ATP1B1: variants seen among roughly 807,000 people sequenced by gnomAD.
ATP1B1 encodes the protein ATPase Na+/K+ transporting subunit beta 1.
In ATP1B1, 3 loss-of-function variants were observed where a neutral mutation model predicts 39.6. The observed-to-expected ratio is 0.08, with a 90% confidence interval of 0.03 to 0.20. The LOEUF is 0.20. ATP1B1 is among the 10% of genes least tolerant of loss of function. The pLI, the probability that ATP1B1 is intolerant of heterozygous loss-of-function variation, is 1.00. For missense variants in ATP1B1, 216 were observed against 371.1 expected, an observed-to-expected ratio of 0.58 and a Z score of 3.43; for synonymous variants, 139 against 135.0, an observed-to-expected ratio of 1.03 and a Z score of -0.20.
At chr1:169,121,093 A>T (rs1007177664) in intron 2 of ATP1B1, among the ~76,000 whole-genome samples, 1 of 151,924 alleles carries the variant, frequency 6.6e-6, no homozygotes, top group African/African-American at 2.4e-5. Context: ...GATTACAGGC[A>T]TGTGCTACTA....
chr1:169,132,519 A>G lies in ATP1B1; in HGVS notation c.*964A>G. On this transcript the variant is annotated 3_prime_UTR_variant, in exon 6 of 6. Transcript: ENST00000367815. Reference sequence around the variant, plus strand: ...AAGAAAAAGTGTAATGTATGAAATAAACCAAAGTCACTTGTTTGAAAATAA... The same window carrying G: ...AAGAAAAAGTGTAATGTATGAAATAGACCAAAGTCACTTGTTTGAAAATAA... The G allele has an allele frequency of 4.6e-6, 2 of 436,060 alleles. No individual in the cohort carries two copies. Among genetic ancestry groups the G allele is most frequent in the Non-Finnish European group, 8.0e-6 (2 of 248,636 alleles). 27.0% of individuals were successfully genotyped at this position (436,060 alleles called of 1,614,324 possible).
chr1:169,123,522 T>A (rs1658026032), intron 2 of ATP1B1, among the ~76,000 whole-genome samples: 1 of 151,880 alleles, frequency 6.6e-6, no homozygotes, highest in African/African-American at 2.4e-5. Flanking sequence ...TTGCCAGATT[T>A]AATAAATAAA....
At chr1:169,110,605 GC>G in intron 1 of ATP1B1, 1 of 835,258 alleles carries the variant, frequency 1.2e-6, no homozygotes, top group South Asian at 2.1e-5. Context: ...AGCTATTTCA[GC>G]CTCCATCCTG....
intron 2 of ATP1B1, among the ~76,000 whole-genome samples, chr1:169,118,448 G>A (rs1657902404): frequency 6.6e-6 from 1 of 152,202 alleles, no homozygotes. Context: ...TCTGGGAGCT[G>A]GAGGCAGAAG....
At chr1:169,109,079 G>A (rs1233828902) in intron 1 of ATP1B1, among the ~76,000 whole-genome samples, 1 of 152,210 alleles carries the variant, frequency 6.6e-6, no homozygotes, top group African/African-American at 2.4e-5. Context: ...CAGGAGACTC[G>A]CCTGTCACCT....
chr1:169,110,597 C>A, intron 1 of ATP1B1: 2 of 766,410 alleles, frequency 2.6e-6, no homozygotes, highest in Non-Finnish European at 3.3e-6. Context: ...GCTTTTGCAG[C>A]TATTTCAGCC....
chr1:169,129,618 C>T (rs1051591356), intron 4 of ATP1B1, among the ~76,000 whole-genome samples: 3 of 152,182 alleles, frequency 2.0e-5, no homozygotes, highest in African/African-American at 4.8e-5. Flanking sequence ...GGAAAGCCCA[C>T]GCTTTATAAA....
chr1:169,110,216 C>T (rs773514896), intron 1 of ATP1B1, among the ~76,000 whole-genome samples: 23 of 152,108 alleles, frequency 1.5e-4, no homozygotes, highest in Middle Eastern at 3.2e-3. Flanking sequence ...GGCAACAAGG[C>T]TAATTCCTGC....
At position 169,124,978 on chromosome 1, in the gene ATP1B1, G is replaced by A. The variant is rs61742560; in HGVS notation, c.321G>A (p.Arg107=). The change falls in exon 3 of 6, where the codon AGG becomes AGA. Residue 107 remains arginine, a synonymous_variant. Transcript: ENST00000367815. ...AGGCATATGTACTGAACATAGTTAG[G>A]TTCCTGGAAAAGTACAAAGATTCAG... ...SYEAYVLNIV[R]FLEKYKDSAQ... is the part of the protein sequence containing the mutation. The A allele has an allele frequency of 9.2e-3, 14,789 of 1,613,900 alleles. 81 individuals carry two copies. Among genetic ancestry groups the A allele is most frequent in the Non-Finnish European group, 0.011 (12,574 of 1,179,944 alleles).
At chr1:169,116,982 C>CG (rs1657861247) in intron 2 of ATP1B1, among the ~76,000 whole-genome samples, 2 of 152,010 alleles carry the variant, frequency 1.3e-5, no homozygotes, top group East Asian at 1.9e-4. Context: ...CTAATTTTTC[C>CG]ACCCCCCGCA....
intron 2 of ATP1B1, among the ~76,000 whole-genome samples, chr1:169,122,745 GATT>G (rs1358523782): frequency 1.4e-5 from 1 of 70,690 alleles, no homozygotes; most frequent in East Asian, 3.2e-4. Flanking sequence ...TTTTCAGGAT[GATT>G]TTTTTTTTTT....
chr1:169,113,873 T>A (rs1468818148), intron 2 of ATP1B1, among the ~76,000 whole-genome samples: 2 of 152,204 alleles, frequency 1.3e-5, no homozygotes, highest in East Asian at 1.9e-4. Context: ...GCCTGGTAAT[T>A]TCTGTCTCTT....
At chr1:169,116,124 C>A (rs1427180752) in intron 2 of ATP1B1, among the ~76,000 whole-genome samples, 1 of 152,288 alleles carries the variant, frequency 6.6e-6, no homozygotes, top group African/African-American at 2.4e-5. Flanking sequence ...CACACTCAGG[C>A]TACCAAGCCC....
chr1:169,111,641 C>A, intron 2 of ATP1B1, 143 bp downstream of exon 2: 1 of 1,226,568 alleles, frequency 8.2e-7, no homozygotes, highest in South Asian at 1.6e-5. Context: ...CTTCTCTCGG[C>A]TGCAGCCAGA....
At chr1:169,108,894 G>T (rs949204214) in intron 1 of ATP1B1, among the ~76,000 whole-genome samples, 2 of 152,142 alleles carry the variant, frequency 1.3e-5, no homozygotes, top group Non-Finnish European at 2.9e-5. Flanking sequence ...CCCCTTTCTG[G>T]CAGTGTAAAA....
At chr1:169,120,970 CAG>C (rs1414133239) in intron 2 of ATP1B1, among the ~76,000 whole-genome samples, 1 of 129,466 alleles carries the variant, frequency 7.7e-6, no homozygotes, top group Non-Finnish European at 1.6e-5. Flanking sequence ...TTTTTTGAGA[CAG>C]AGTCTCGCTC....
intron 2 of ATP1B1, among the ~76,000 whole-genome samples, chr1:169,120,596 T>C (rs144813540): frequency 1.3e-5 from 2 of 152,354 alleles, no homozygotes; most frequent in African/African-American, 2.4e-5. Context: ...AGCTGTCTTA[T>C]GTTTCACCCC....
At chr1:169,109,569 GCTGT>G (rs953259403) in intron 1 of ATP1B1, among the ~76,000 whole-genome samples, 15 of 152,294 alleles carry the variant, frequency 9.8e-5, no homozygotes, top group East Asian at 1.9e-4. Flanking sequence ...GAATAGAAAG[GCTGT>G]CTGTTTCTGA....
At chr1:169,109,222 G>A (rs888536137) in intron 1 of ATP1B1, among the ~76,000 whole-genome samples, 4 of 152,054 alleles carry the variant, frequency 2.6e-5, no homozygotes, top group African/African-American at 9.7e-5. Flanking sequence ...GGTACACACT[G>A]TTTGTTTGTT....
Sources: gnomAD v4.1 joint callset for allele counts (sites outside exome capture counted in the v4.1 genomes callset) on GRCh38, gnomAD v4.1.1 for gene constraint, MANE v1.5 for transcripts, NCBI Gene and HGNC (gene_info 2026-07-23, HGNC 2026-07-21) for gene names.